COL5A1: variants seen among roughly 807,000 people sequenced by gnomAD.
COL5A1 encodes collagen type V alpha 1 chain, also known as collagen alpha-1(V) chain.
COL5A1 carries 16 observed loss-of-function variants against 263.7 expected under a neutral mutation model. The ratio of observed to expected loss-of-function variants is 0.06; its 90% CI spans 0.04 to 0.09. The LOEUF (loss-of-function observed/expected upper bound fraction) is 0.09. Among genes scored for constraint, COL5A1 ranks in the 10% least tolerant of loss-of-function variants. COL5A1 has a pLI of 1.00. For missense variants in COL5A1, 2,036 were observed against 2,540.5 expected, an observed-to-expected ratio of 0.80 and a Z score of 4.27; for synonymous variants, 1,012 against 1,004.5, an observed-to-expected ratio of 1.01 and a Z score of -0.14.
intron 25 of COL5A1, among the ~76,000 whole-genome samples, chr9:134,769,085 C>CT (rs151059960): frequency 9.1e-4 from 138 of 152,308 alleles, no homozygotes; most frequent in African/African-American, 3.1e-3. Context: ...TAAGTGCCTG[C>CT]TGTGGTTTTG....
chr9:134,687,321 TC>T (rs1833112045), intron 1 of COL5A1, among the ~76,000 whole-genome samples: 1 of 152,008 alleles, frequency 6.6e-6, no homozygotes, highest in Non-Finnish European at 1.5e-5. Flanking sequence ...AGTTTTTAGC[TC>T]CCCAGACTGC....
rs1330796522 is a variant in COL5A1 at position 134,812,476 on chromosome 9, G to A, written c.3718G>A (p.Gly1240Ser). 1 of 1,614,028 alleles carries A rather than the reference G, an allele frequency of 6.2e-7. No homozygotes were observed. The highest frequency in any genetic ancestry group is 2.2e-5 in the East Asian group (1 of 44,898). The part of the protein sequence containing the change: ...QGLPGPPGEK[G>S]ETGDVGQMGP... ...TTTGCCAGGACCTCCAGGCGAGAAG[G>A]GTGAGACAGGAGACGTGGGCCAGAT... is the stretch of plus-strand genomic sequence containing the variant. Residue 1240 changes from glycine to serine, a missense_variant, in exon 47 of 66, where the codon GGT (glycine) becomes AGT (serine). By Grantham distance (56) the Gly-to-Ser change is moderately conservative. This residue lies in a region of COL5A1 where 1,078 missense variants were observed against 1,521.4 expected (regional missense o/e 0.71). Transcript: ENST00000371817.
intron 4 of COL5A1, among the ~76,000 whole-genome samples, chr9:134,702,779 AT>A (rs1284548074): frequency 6.6e-6 from 1 of 152,090 alleles, no homozygotes; most frequent in Admixed American, 6.5e-5. Flanking sequence ...GGCTCTGTCG[AT>A]TGTTGGATTT....
In COL5A1 at chr9:134,841,117, T is replaced by C. The variant is rs1417665280; in HGVS notation, c.5371-1040T>C. 6.6e-6 allele frequency among the ~76,000 whole-genome samples: 1 copy of C among 152,182 alleles called. No individual in the cohort carries two copies. Among genetic ancestry groups the C allele is most frequent in the Admixed American group, 6.5e-5 (1 of 15,278 alleles). On this transcript the variant is annotated intron_variant, in intron 65 of 65. Coordinates refer to ENST00000371817, the MANE Select transcript of COL5A1 (RefSeq NM_000093.5). The surrounding 1 kb of genome is among the most constrained non-coding windows in gnomAD (Gnocchi z 4.8). ...CCTGGCTGGCCCCTACTTGTTTATCTGATCATTTCTTTTGGGGATGGGGCA... is the reference window on the plus strand; with the variant it reads ...CCTGGCTGGCCCCTACTTGTTTATCCGATCATTTCTTTTGGGGATGGGGCA...
chr9:134,772,209 C>T (rs892818700), intron 25 of COL5A1, among the ~76,000 whole-genome samples: 5 of 152,232 alleles, frequency 3.3e-5, no homozygotes, highest in African/African-American at 1.2e-4. Context: ...TCAAGTAACA[C>T]GCCTTAGCCC....
At chr9:134,759,578 AC>A (rs1373598418) in intron 18 of COL5A1, among the ~76,000 whole-genome samples, 1 of 116,226 alleles carries the variant, frequency 8.6e-6, no homozygotes, top group Admixed American at 9.2e-5. Context: ...CACACCACAC[AC>A]CCCCACACAT....
intron 18 of COL5A1, among the ~76,000 whole-genome samples, chr9:134,759,355 TTCATACACAGATGC>T (rs1836136202): frequency 1.0e-5 from 1 of 96,374 alleles, no homozygotes. Flanking sequence ...CACACCCACA[TTCATACACAGATGC>T]ACACACACCA....
rs1354118452 is a variant in COL5A1, at chr9:134,842,537, G to A, written c.*234G>A. The A allele has an allele frequency of 2.8e-5, 17 of 604,812 alleles. No individual in the cohort carries two copies. Among genetic ancestry groups the A allele is most frequent in the Non-Finnish European group, 4.1e-5 (14 of 340,704 alleles). The allele number at this position is 604,812 out of a possible 1,614,324, so 37.5% of individuals were successfully genotyped here. On this transcript the variant is annotated 3_prime_UTR_variant, in exon 66 of 66. Coordinates refer to ENST00000371817, the MANE Select transcript of COL5A1 (RefSeq NM_000093.5). This position sits in a 1 kb window ranked among gnomAD's most constrained non-coding sequence, Gnocchi z 5.8. ...TCACATGACCTAGCTGCACCCCAGC[G>A]CCTGGGCCCGCCCCACGCTCTGTCC...
chr9:134,806,041 A>G, intron 41 of COL5A1, 148 bp from the exon 42 acceptor site: 2 of 677,688 alleles, frequency 3.0e-6, no homozygotes, highest in Admixed American at 2.2e-5. Context: ...ACGCTAGACC[A>G]GGTAGTCTGT....
At chr9:134,693,012 G>GCAGTGAGCTGAGATCGCAC (rs1833338065) in intron 2 of COL5A1, among the ~76,000 whole-genome samples, 2 of 152,332 alleles carry the variant, frequency 1.3e-5, no homozygotes, top group South Asian at 4.1e-4. Context: ...GGCGGAGGTT[G>GCAGTGAGCTGAGATCGCAC]CAGTGAGCTG....
chr9:134,814,932 C>A (rs1229267709), intron 50 of COL5A1, 28 bp downstream of exon 50: 14 of 1,501,104 alleles, frequency 9.3e-6, no homozygotes, highest in Middle Eastern at 3.4e-4. Context: ...ACCTCAGGGG[C>A]CCTGCAGCAG....
intron 65 of COL5A1, among the ~76,000 whole-genome samples, chr9:134,837,534 C>T (rs1839888259): frequency 6.6e-6 from 1 of 151,938 alleles, no homozygotes; most frequent in African/African-American, 2.4e-5. Flanking sequence ...TCAGCAAAGC[C>T]CACTTCTGCG....
At chr9:134,654,530 G>GA (rs1831852529) in intron 1 of COL5A1, among the ~76,000 whole-genome samples, 1 of 129,100 alleles carries the variant, frequency 7.7e-6, no homozygotes, top group Non-Finnish European at 1.7e-5. Flanking sequence ...TGCAGGGCTG[G>GA]GTGTGTGTAG....
rs1246095864 is a variant in COL5A1 at position 134,730,355 on chromosome 9, G to T, written c.1044G>T (p.Thr348=). The change falls in exon 7 of 66, where the codon ACG becomes ACT. Residue 348 remains threonine, a synonymous_variant. Transcript: ENST00000371817. ...YDYVPSEDYY[T]PSPYDDLTYG... Reference sequence around the variant, plus strand: ...ACGTGCCCAGTGAGGACTACTACACGCCCTCACCGTATGATGACCTCACCT... The same window carrying T: ...ACGTGCCCAGTGAGGACTACTACACTCCCTCACCGTATGATGACCTCACCT... 3.7e-6 allele frequency: 6 copies of T among 1,614,220 alleles called. No individual in the cohort carries two copies. Among genetic ancestry groups the T allele is most frequent in the Admixed American group, 1.7e-5 (1 of 60,036 alleles).
At chr9:134,824,973 CA>C (rs1839204509) in intron 62 of COL5A1, 118 bp downstream of exon 62, 1 of 1,373,814 alleles carries the variant, frequency 7.3e-7, no homozygotes, top group Non-Finnish European at 9.7e-7. Flanking sequence ...CGGGCAGCCG[CA>C]GCCTCCCCAT....
Position 134,842,777 on chromosome 9 carries a change from C to G in COL5A1, c.*474C>G, listed in dbSNP as rs1427628894. 1 of 201,776 alleles carries G rather than the reference C, an allele frequency of 5.0e-6. No individual in the cohort carries two copies. Among genetic ancestry groups the G allele is most frequent in the African/African-American group, 2.3e-5 (1 of 43,062 alleles). The allele number at this position is 201,776 out of a possible 1,614,324, so 12.5% of individuals were successfully genotyped here. On this transcript the variant is annotated 3_prime_UTR_variant, in exon 66 of 66. Coordinates refer to ENST00000371817, the MANE Select transcript of COL5A1 (RefSeq NM_000093.5). This position sits in a 1 kb window ranked among gnomAD's most constrained non-coding sequence, Gnocchi z 5.8. ...AAAGGTCATCCCACCATCACCAAAG[C>G]CTCCGTTTTTAACAACCTCCAACAC... is the stretch of plus-strand genomic sequence containing the variant.
Position 134,762,257 on chromosome 9 carries a change from T to C in COL5A1, c.1989+279T>C, listed in dbSNP as rs11103509. Among the ~76,000 whole-genome samples the C allele has an allele frequency of 0.13, 20,022 of 152,256 alleles. 2,271 individuals are homozygous for C. Among genetic ancestry groups the C allele is most frequent in the African/African-American group, 0.29 (11,894 of 41,530 alleles). ...CCAGCTCTCAGCTCTCACTGCAGGA[T>C]GCAGGTGCCCCAAACCCCACTGGGA... On this transcript the variant is annotated intron_variant, in intron 19 of 65. Coordinates refer to ENST00000371817, the MANE Select transcript of COL5A1 (RefSeq NM_000093.5).
rs917821000 is a variant in COL5A1, at chr9:134,758,547, C to T, written c.1935+251C>T. The stretch of plus-strand genomic sequence containing the variant: ...GTTTGTGACAAGTGAGCCAGATGGG[C>T]CTACCCACCTGAGGCGCGTGAAGGG... On this transcript the variant is annotated intron_variant, in intron 18 of 65. Coordinates refer to ENST00000371817, the MANE Select transcript of COL5A1 (RefSeq NM_000093.5). This position sits in a 1 kb window ranked among gnomAD's most constrained non-coding sequence, Gnocchi z 4.1. Among the ~76,000 whole-genome samples, 3 of 152,132 alleles carry T rather than the reference C, an allele frequency of 2.0e-5. No individual in the cohort carries two copies. Among genetic ancestry groups the T allele is most frequent in the African/African-American group, 7.2e-5 (3 of 41,426 alleles).
intron 2 of COL5A1, among the ~76,000 whole-genome samples, chr9:134,695,625 G>T (rs895327326): frequency 1.3e-5 from 2 of 152,172 alleles, no homozygotes; most frequent in Non-Finnish European, 2.9e-5. Flanking sequence ...CAGGATAGGG[G>T]TTCCCTGATG....
Sources: allele counts gnomAD v4.1 joint callset (sites outside exome capture counted in the v4.1 genomes callset), GRCh38; gene constraint gnomAD v4.1.1; regional missense constraint gnomAD v4.1.1; non-coding constraint Gnocchi (gnomAD v3.1); transcripts MANE v1.5; gene names NCBI Gene and HGNC (gene_info 2026-07-23, HGNC 2026-07-21).